Variants in MYH11 observed in about 807,000 individuals in gnomAD.
MYH11 encodes myosin heavy chain 11.
A neutral mutation model predicts 246.6 loss-of-function variants in MYH11; 80 were observed. The ratio of observed to expected loss-of-function variants is 0.32; its 90% CI spans 0.27 to 0.39. MYH11 has a LOEUF of 0.39. MYH11 is among the 10% of genes least tolerant of loss of function. The pLI is 1.00. For synonymous variants in MYH11, 1,071 were observed against 1,015.5 expected (o/e 1.05, Z -1.04); for missense variants, 2,158 against 2,546.8 (o/e 0.85, Z 3.29).
At chr16:15,794,837 C>G (rs956817691) in intron 4 of MYH11, among the ~76,000 whole-genome samples, 4 of 152,286 alleles carry the variant, frequency 2.6e-5, no homozygotes, top group African/African-American at 9.6e-5. Flanking sequence ...CAGAATGGCT[C>G]CCAGCATGGC....
At chr16:15,836,288 T>G (rs538024964) in intron 2 of MYH11, among the ~76,000 whole-genome samples, 3 of 152,180 alleles carry the variant, frequency 2.0e-5, no homozygotes, top group Middle Eastern at 3.4e-3. Context: ...ATGGGAACAT[T>G]CTGCACTTAT....
chr16:15,714,770 A>C, intron 40 of MYH11, 139 bp downstream of exon 40: 1 of 1,107,842 alleles, frequency 9.0e-7, no homozygotes. Context: ...CTTAGTGATT[A>C]AGGAGAAGCA....
At position 15,842,419 on chromosome 16, in the gene MYH11, G is replaced by A. The variant is rs373427979; in HGVS notation, c.-17-4150C>T. On this transcript the variant is annotated intron_variant, in intron 1 of 40. Transcript: ENST00000300036. ...AAAACGAAAAACAAACCTGGAAGTTGATTTGCTCAGAGATTTTCTGCTGGG... is the reference window on the plus strand; with the variant it reads ...AAAACGAAAAACAAACCTGGAAGTTAATTTGCTCAGAGATTTTCTGCTGGG... 8.6e-5 allele frequency among the ~76,000 whole-genome samples: 13 copies of A among 151,862 alleles called. 1 individual carries two copies. In the East Asian group the frequency reaches 1.2e-3, roughly 14 times the overall value.
intron 14 of MYH11, among the ~76,000 whole-genome samples, chr16:15,754,327 A>G (rs567985064): frequency 2.0e-5 from 3 of 152,350 alleles, no homozygotes; most frequent in East Asian, 3.9e-4. Context: ...GAAAAAGGAC[A>G]TATAGGCTTT....
intron 6 of MYH11, among the ~76,000 whole-genome samples, chr16:15,781,594 A>G (rs1281383235): frequency 7.2e-5 from 11 of 152,270 alleles, no homozygotes; most frequent in African/African-American, 2.4e-4. Flanking sequence ...CAATAAAACC[A>G]TTGTTGTCTA....
intron 1 of MYH11, among the ~76,000 whole-genome samples, chr16:15,849,972 G>T (rs1301838266): frequency 6.6e-6 from 1 of 152,130 alleles, no homozygotes; most frequent in Admixed American, 6.6e-5. Context: ...CCAGTCAAAG[G>T]GCTGAAACTG....
At chr16:15,828,269 T>C (rs2043623941) in intron 2 of MYH11, among the ~76,000 whole-genome samples, 1 of 152,192 alleles carries the variant, frequency 6.6e-6, no homozygotes, top group Non-Finnish European at 1.5e-5. Flanking sequence ...GCATGGCGGC[T>C]GGTATGTAGT....
At chr16:15,826,658 G>T (rs571599089) in intron 2 of MYH11, among the ~76,000 whole-genome samples, 2 of 151,888 alleles carry the variant, frequency 1.3e-5, no homozygotes, top group Non-Finnish European at 2.9e-5. Flanking sequence ...AGGGACAATG[G>T]TATGTAATGT....
intron 11 of MYH11, 91 bp from the exon 12 acceptor site, chr16:15,759,819 C>T (rs1344488185): frequency 1.1e-5 from 17 of 1,513,222 alleles, no homozygotes; most frequent in African/African-American, 2.8e-5. Context: ...TATTCTTGGC[C>T]GGGTGCAGTG....
intron 3 of MYH11, among the ~76,000 whole-genome samples, chr16:15,801,971 C>CAA (rs143598427): frequency 6.6e-6 from 1 of 151,454 alleles, no homozygotes; most frequent in Admixed American, 6.6e-5. Context: ...ACAAAACAAA[C>CAA]AAAAAAAACC....
intron 20 of MYH11, among the ~76,000 whole-genome samples, chr16:15,743,987 A>G (rs2041347550): frequency 6.6e-6 from 1 of 152,060 alleles, no homozygotes; most frequent in Admixed American, 6.6e-5. Flanking sequence ...ATAATATGCT[A>G]TGGCCAGATG....
At chr16:15,744,799 G>A (rs746667999) in intron 20 of MYH11, among the ~76,000 whole-genome samples, 16 of 152,334 alleles carry the variant, frequency 1.1e-4, no homozygotes, top group East Asian at 7.7e-4. Flanking sequence ...CGCCGCCCCC[G>A]GCAGCATTCT....
At chr16:15,717,393 A>G (rs2040218456) in intron 37 of MYH11, 45 bp from the exon 38 acceptor site, 3 of 1,593,540 alleles carry the variant, frequency 1.9e-6, no homozygotes, top group South Asian at 2.2e-5. Flanking sequence ...AGGGAAGCCC[A>G]AGAGAGCGCA....
chr16:15,852,299 C>A (rs986018251), intron 1 of MYH11, among the ~76,000 whole-genome samples: 9 of 149,638 alleles, frequency 6.0e-5, no homozygotes, highest in Non-Finnish European at 1.2e-4. Context: ...GGACTGCTGT[C>A]ATATGTGACT....
At chr16:15,808,724 G>GA (rs200083603) in intron 3 of MYH11, among the ~76,000 whole-genome samples, 1 of 151,444 alleles carries the variant, frequency 6.6e-6, no homozygotes, top group Non-Finnish European at 1.5e-5. Flanking sequence ...CTATCTCTAT[G>GA]AAAAAAAAAT....
chr16:15,840,998 C>T (rs1249498580), intron 1 of MYH11, among the ~76,000 whole-genome samples: 1 of 151,930 alleles, frequency 6.6e-6, no homozygotes, highest in East Asian at 1.9e-4. Context: ...AACTGCATAC[C>T]AAAATATTAT....
intron 1 of MYH11, among the ~76,000 whole-genome samples, chr16:15,853,868 CA>C (rs1304765068): frequency 3.3e-5 from 5 of 151,992 alleles, no homozygotes; most frequent in African/African-American, 7.2e-5. Context: ...ACTAAAAATA[CA>C]AAAAATTAGC....
At chr16:15,755,699 G>A (rs999930369) in intron 14 of MYH11, among the ~76,000 whole-genome samples, 3 of 152,194 alleles carry the variant, frequency 2.0e-5, no homozygotes, top group Non-Finnish European at 2.9e-5. Context: ...TTGGGAGGCC[G>A]AGGCGGGTGG....
rs1321165810 is a variant in MYH11, at chr16:15,838,046, G to A, written c.207C>T (p.Val69=). 1 of 1,614,062 alleles carries A rather than the reference G, an allele frequency of 6.2e-7. No individual in the cohort carries two copies. The highest frequency in any genetic ancestry group is 8.5e-7 in the Non-Finnish European group (1 of 1,180,026). ...VVELVENGKK[V]TVGKDDIQKM... ...TCTGGATGTCATCTTTCCCAACCGTGACCTTCTTGCCATTCTCCACCAGCT... is the reference window on the plus strand; with the variant it reads ...TCTGGATGTCATCTTTCCCAACCGTAACCTTCTTGCCATTCTCCACCAGCT... The change falls in exon 2 of 41, where the codon GTC becomes GTT. Residue 69 remains valine (V), a synonymous_variant. Transcript: ENST00000300036.
Sources: allele counts gnomAD v4.1 joint callset (sites outside exome capture counted in the v4.1 genomes callset), GRCh38; gene constraint gnomAD v4.1.1; transcripts MANE v1.5; gene names NCBI Gene and HGNC (gene_info 2026-07-23, HGNC 2026-07-21).